Variants in GABRB3 observed in about 807,000 individuals in gnomAD.
GABRB3 encodes the protein gamma-aminobutyric acid receptor subunit beta-3.
Under a neutral mutation model 52.1 loss-of-function variants are expected in GABRB3, and 14 were observed. The ratio of observed to expected loss-of-function variants is 0.27; its 90% CI spans 0.18 to 0.42. The LOEUF (loss-of-function observed/expected upper bound fraction) is 0.42, where lower values mean the gene tolerates loss of function less well. Among genes scored for constraint, GABRB3 ranks in the 10% least tolerant of loss-of-function variants. The pLI is 1.00. For missense variants in GABRB3, 307 were observed against 609.1 expected (o/e 0.50, Z 5.22); for synonymous variants, 260 against 232.3 (o/e 1.12, Z -1.08).
rs1468711980 is a variant in GABRB3 at position 26,749,634 on chromosome 15, G to A, written c.240+22768C>T. Among the ~76,000 whole-genome samples, 3 of 152,348 alleles carry A rather than the reference G, an allele frequency of 2.0e-5. No homozygotes were observed. The East Asian group carries it at 5.8e-4, about 29-fold the overall frequency. On this transcript the variant is annotated intron_variant, in intron 3 of 8. Transcript: ENST00000311550. ...AAGATTAGCTCCCAGCTTGACTGCT[G>A]AAACGAGGAGGAAGTGCATGCAGCT...
chr15:26,710,447 A>T (rs113236704), intron 3 of GABRB3, among the ~76,000 whole-genome samples: 434 of 152,224 alleles, frequency 2.9e-3, no homozygotes, highest in African/African-American at 9.3e-3. Flanking sequence ...TTTTTAGTAG[A>T]GATGGGGTTT....
chr15:26,754,885 G>T (rs192238305), intron 3 of GABRB3, among the ~76,000 whole-genome samples: 171 of 152,234 alleles, frequency 1.1e-3, no homozygotes, highest in Middle Eastern at 6.8e-3. Context: ...TCAAACACCC[G>T]AGGGGTCGAG....
intron 4 of GABRB3, among the ~76,000 whole-genome samples, chr15:26,611,219 T>C (rs962009785): frequency 6.6e-6 from 1 of 152,184 alleles, no homozygotes. Flanking sequence ...CTTGAGTAAA[T>C]GTAAATAGAA....
chr15:26,773,663 C>G (rs866382354), upstream of GABRB3: 1 of 1,570,534 alleles, frequency 6.4e-7, no homozygotes, highest in Non-Finnish European at 8.6e-7. Flanking sequence ...CTCAGAGCCT[C>G]GGGTCCCCAG....
intron 5 of GABRB3, chr15:26,580,769 T>C: frequency 4.7e-6 from 2 of 430,068 alleles, no homozygotes; most frequent in South Asian, 4.2e-5. Flanking sequence ...GAATTTAAAA[T>C]GTATCTCAAC....
At chr15:26,648,076 C>A (rs1887069936) in intron 3 of GABRB3, among the ~76,000 whole-genome samples, 1 of 152,204 alleles carries the variant, frequency 6.6e-6, no homozygotes, top group Non-Finnish European at 1.5e-5. Flanking sequence ...GTGTTACCGT[C>A]ATGACCATCC....
chr15:26,772,792 C>T lies in GABRB3; in HGVS notation c.81-20G>A, dbSNP rs1199564259. On this transcript the variant is annotated intron_variant, in intron 1 of 8. Transcript: ENST00000311550. ...TTCACACTGGGGGAGGGACGGGGAG[C>T]ACAAAGAGCGGGGTCAGGGGCGGCT... The T allele has an allele frequency of 6.5e-7, 1 of 1,529,284 alleles. No individual in the cohort carries two copies. 94.7% of individuals were successfully genotyped at this position (1,529,284 alleles called of 1,614,324 possible). A position where few individuals can be genotyped will look rare whatever the true frequency, so the allele number is the denominator to read the frequency against.
At chr15:26,628,603 G>A (rs570445551) in intron 3 of GABRB3, among the ~76,000 whole-genome samples, 6 of 152,200 alleles carry the variant, frequency 3.9e-5, no homozygotes, top group African/African-American at 1.2e-4. Context: ...CCCCTGGAGG[G>A]CCAGTCTTGG....
intron 8 of GABRB3, among the ~76,000 whole-genome samples, chr15:26,550,769 C>T (rs1326165445): frequency 6.6e-6 from 1 of 152,138 alleles, no homozygotes; most frequent in East Asian, 1.9e-4. Context: ...CTCCTGACAC[C>T]CTAAGGGAAG....
At chr15:26,656,760 C>G (rs1379354920) in intron 3 of GABRB3, among the ~76,000 whole-genome samples, 1 of 152,214 alleles carries the variant, frequency 6.6e-6, no homozygotes, top group Non-Finnish European at 1.5e-5. Flanking sequence ...ACCCCTCCCC[C>G]AATCGCCCAT....
intron 3 of GABRB3, among the ~76,000 whole-genome samples, chr15:26,722,273 G>A (rs1244173523): frequency 6.6e-6 from 1 of 152,156 alleles, no homozygotes; most frequent in Non-Finnish European, 1.5e-5. Context: ...ACTATCTCAC[G>A]AAAGGGAGGA....
At chr15:26,771,239 T>C (rs2140197162) in intron 3 of GABRB3, among the ~76,000 whole-genome samples, 1 of 152,270 alleles carries the variant, frequency 6.6e-6, no homozygotes, top group Admixed American at 6.5e-5. Flanking sequence ...CAAAATATTG[T>C]CCACAAAATA....
At chr15:26,769,931 G>C (rs750752922) in intron 3 of GABRB3, among the ~76,000 whole-genome samples, 3 of 152,090 alleles carry the variant, frequency 2.0e-5, no homozygotes, top group Non-Finnish European at 2.9e-5. Flanking sequence ...ACTTAGTTTT[G>C]TGTGACCAGT....
At chr15:26,570,464 G>A (rs1890353913) in intron 6 of GABRB3, among the ~76,000 whole-genome samples, 1 of 152,232 alleles carries the variant, frequency 6.6e-6, no homozygotes, top group African/African-American at 2.4e-5. Context: ...GGGAAACATG[G>A]AAATGATGCT....
chr15:26,709,117 A>G (rs1889201385), intron 3 of GABRB3, among the ~76,000 whole-genome samples: 1 of 152,234 alleles, frequency 6.6e-6, no homozygotes, highest in Non-Finnish European at 1.5e-5. Flanking sequence ...GTACTGCTCA[A>G]TAATTTTTAG....
At position 26,617,322 on chromosome 15, in the gene GABRB3, A is replaced by C. The variant is rs551339533; in HGVS notation, c.461+3992T>G. On this transcript the variant is annotated intron_variant, in intron 4 of 8. Coordinates refer to ENST00000311550, the MANE Select transcript of GABRB3 (RefSeq NM_000814.6). ...ATCAAAAAGCTTATCCAACATGATA[A>C]AGTGGGGTTCATCCCTGGGATGCAA... Among the ~76,000 whole-genome samples, 7 of 152,330 alleles carry C rather than the reference A, an allele frequency of 4.6e-5. No individual in the cohort carries two copies. In the South Asian group the frequency reaches 1.2e-3, roughly 27 times the overall value.
intron 2 of GABRB3, 66 bp downstream of exon 2, chr15:26,772,614 TC>T: frequency 6.9e-7 from 1 of 1,442,862 alleles, no homozygotes; most frequent in Non-Finnish European, 9.3e-7. Flanking sequence ...GGCCCCCGCC[TC>T]CCTCCGCCCA....
intron 3 of GABRB3, among the ~76,000 whole-genome samples, chr15:26,672,115 T>C (rs1481110388): frequency 6.6e-6 from 1 of 152,164 alleles, no homozygotes; most frequent in Non-Finnish European, 1.5e-5. Context: ...TTTGCGTGCT[T>C]AGAACTTTAC....
At chr15:26,611,047 C>A (rs1438161320) in intron 4 of GABRB3, among the ~76,000 whole-genome samples, 8 of 152,156 alleles carry the variant, frequency 5.3e-5, no homozygotes, top group Non-Finnish European at 1.0e-4. Flanking sequence ...GGCAAAAATA[C>A]CCATGTATTT....
Sources: gnomAD v4.1 joint callset for allele counts (sites outside exome capture counted in the v4.1 genomes callset) on GRCh38, gnomAD v4.1.1 for gene constraint, MANE v1.5 for transcripts, NCBI Gene and HGNC (gene_info 2026-07-23, HGNC 2026-07-21) for gene names.